The following SEC61G variants were observed in gnomAD, a reference collection of about 807,000 sequenced individuals.
SEC61G encodes SEC61 translocon subunit gamma, also known as protein transport protein Sec61 subunit gamma.
Under a neutral mutation model 7.5 loss-of-function variants are expected in SEC61G, and 4 were observed. The ratio of observed to expected loss-of-function variants is 0.54; its 90% CI spans 0.26 to 1.22. SEC61G has a LOEUF of 1.22. Among genes scored for constraint, SEC61G ranks in the 50% most tolerant of loss-of-function variants. SEC61G has a pLI of 0.12. For missense variants in SEC61G, 53 were observed against 84.6 expected (o/e 0.63, Z 1.46); for synonymous variants, 24 against 24.4 (o/e 0.98, Z 0.05).
chr7:54,755,118 G>GC (rs1791481437), intron 3 of SEC61G: 1 of 152,090 alleles, frequency 6.6e-6, no homozygotes, highest in African/African-American at 2.4e-5. Flanking sequence ...AAATTATTTG[G>GC]AAACAAATAA....
In SEC61G at chr7:54,752,435, A is replaced by G; in HGVS notation, c.198-15T>C. The G allele has an allele frequency of 6.8e-7, 1 of 1,468,502 alleles. No individual in the cohort carries two copies. The highest frequency in any genetic ancestry group is 2.0e-5 in the Admixed American group (1 of 48,994). The allele number at this position is 1,468,502 out of a possible 1,614,324, so 91.0% of individuals were successfully genotyped here. On this transcript the variant is annotated splice_polypyrimidine_tract_variant and intron_variant, in intron 3 of 3. Coordinates refer to ENST00000352861, the MANE Select transcript of SEC61G (RefSeq NM_014302.4). ...TTCAGCCACCACTGTAAAAGAAAGA[A>G]AAATTATTACTTCTGAGCATAGATA...
intron 2 of SEC61G, among the ~76,000 whole-genome samples, chr7:54,756,722 T>C (rs999693161): frequency 6.6e-6 from 1 of 152,180 alleles, no homozygotes; most frequent in East Asian, 1.9e-4. Context: ...TAAGAGAAGC[T>C]TTCCCTGATC....
At chr7:54,755,921 G>A (rs745614154) in intron 2 of SEC61G, 40 bp from the exon 3 acceptor site, 92 of 1,229,878 alleles carry the variant, frequency 7.5e-5, no homozygotes, top group Non-Finnish European at 1.1e-4. Flanking sequence ...TTTTTGCACT[G>A]TCACTGAAAG....
Position 54,757,575 on chromosome 7 carries a change from A to C in SEC61G, c.14T>G (p.Met5Arg), listed in dbSNP as rs770373802. The change falls in exon 2 of 4, where the codon ATG (methionine) becomes AGG (arginine). Residue 5 changes from methionine to arginine, a missense_variant. Met to Arg is a moderately conservative substitution (Grantham distance 91). Coordinates refer to ENST00000352861, the MANE Select transcript of SEC61G (RefSeq NM_014302.4). The part of the protein sequence containing the change: MDQV[M>R]QFVEPSRQFV... Reference sequence around the variant, plus strand: ...CTGCCGACTTGGCTCAACAAACTGCATTACCTGATCCATGACTGCCTGTTT... The same window carrying C: ...CTGCCGACTTGGCTCAACAAACTGCCTTACCTGATCCATGACTGCCTGTTT... 1 of 1,614,082 alleles carries C rather than the reference A, an allele frequency of 6.2e-7. No homozygotes were observed. Among genetic ancestry groups the C allele is most frequent in the Non-Finnish European group, 8.5e-7 (1 of 1,179,956 alleles).
In SEC61G at chr7:54,752,414, G is replaced by T. The variant is rs1791432198; in HGVS notation, c.204C>A (p.Gly68=). The stretch of plus-strand genomic sequence containing the variant: ...AAAACTCTCTTCCAAAATGTATTCA[G>T]CCACCACTGTAAAAGAAAGAAAAAT... ...HIPINNIIVG[G] The change falls in exon 4 of 4, where the codon GGC becomes GGA. Residue 68 remains glycine, a synonymous_variant. Coordinates refer to ENST00000352861, the MANE Select transcript of SEC61G (RefSeq NM_014302.4). The T allele has an allele frequency of 1.3e-6, 2 of 1,533,084 alleles. No homozygotes were observed. Among genetic ancestry groups the T allele is most frequent in the East Asian group, 4.6e-5 (2 of 43,332 alleles). 95.0% of individuals were successfully genotyped at this position (1,533,084 alleles called of 1,614,324 possible). A position where few individuals can be genotyped will look rare whatever the true frequency, so the allele number is the denominator to read the frequency against.
At chr7:54,752,879 A>T (rs956494302) in intron 3 of SEC61G, among the ~76,000 whole-genome samples, 1 of 152,242 alleles carries the variant, frequency 6.6e-6, no homozygotes, top group Admixed American at 6.5e-5. Context: ...ATGAAAACAA[A>T]AATCACCTTT....
chr7:54,758,179 A>T (rs1583716807), intron 1 of SEC61G, among the ~76,000 whole-genome samples: 1 of 152,358 alleles, frequency 6.6e-6, no homozygotes, highest in African/African-American at 2.4e-5. Flanking sequence ...CTAAAGGAAG[A>T]CGCAAATTCT....
At chr7:54,755,303 C>T (rs1791485045) in intron 3 of SEC61G, 1 of 152,240 alleles carries the variant, frequency 6.6e-6, no homozygotes, top group African/African-American at 2.4e-5. Flanking sequence ...AACTATTATC[C>T]CCACTGAATA....
intron 3 of SEC61G, among the ~76,000 whole-genome samples, chr7:54,753,203 G>A (rs35830108): frequency 0.16 from 24,092 of 152,064 alleles, 2,312 homozygotes; most frequent in South Asian, 0.27. Flanking sequence ...TGAGGCAGGA[G>A]AATCACTTGA....
intron 2 of SEC61G, among the ~76,000 whole-genome samples, chr7:54,756,359 T>C (rs180699435): frequency 1.1e-3 from 170 of 152,274 alleles, no homozygotes; most frequent in African/African-American, 3.9e-3. Context: ...AAATAAGACT[T>C]GAAAAATCAA....
At chr7:54,754,444 T>C (rs1222302363) in intron 3 of SEC61G, among the ~76,000 whole-genome samples, 1 of 152,220 alleles carries the variant, frequency 6.6e-6, no homozygotes, top group African/African-American at 2.4e-5. Flanking sequence ...TCCCCGTGAT[T>C]CCACAGTTCT....
intron 2 of SEC61G, among the ~76,000 whole-genome samples, chr7:54,756,322 G>T (rs1487515130): frequency 6.6e-6 from 1 of 152,138 alleles, no homozygotes; most frequent in African/African-American, 2.4e-5. Context: ...GATGGGTCCG[G>T]TGCCTTTGCT....
intron 1 of SEC61G, among the ~76,000 whole-genome samples, chr7:54,758,795 C>A (rs1791575328): frequency 6.6e-6 from 1 of 152,214 alleles, no homozygotes; most frequent in Admixed American, 6.5e-5. Flanking sequence ...GAGCTGAGTA[C>A]AGCTCTTCCC....
rs1791428716 is a variant in SEC61G, at chr7:54,752,295, G to A, written c.*116C>T. Reference sequence around the variant, plus strand: ...TTAATTTAGAAATAGAAAACATCTTGAAAGGAAAAAAAAAAACCCACAAAA... The same window carrying A: ...TTAATTTAGAAATAGAAAACATCTTAAAAGGAAAAAAAAAAACCCACAAAA... On this transcript the variant is annotated 3_prime_UTR_variant, in exon 4 of 4. Coordinates refer to ENST00000352861, the MANE Select transcript of SEC61G (RefSeq NM_014302.4). The A allele has an allele frequency of 3.4e-6, 2 of 595,834 alleles. No individual in the cohort carries two copies. The highest frequency in any genetic ancestry group is 5.7e-6 in the Non-Finnish European group (2 of 348,610). 36.9% of individuals were successfully genotyped at this position (595,834 alleles called of 1,614,324 possible).
chr7:54,755,549 C>T lies in SEC61G; in HGVS notation c.197+230G>A, dbSNP rs569029762. ...ATGAGTGTCTTTAATACTTTCTTGA[C>T]TCTGTAAAATTTTATTTATTAAAGA... On this transcript the variant is annotated intron_variant, in intron 3 of 3. Transcript: ENST00000352861. 2.8e-3 allele frequency: 876 copies of T among 315,186 alleles called. 4 individuals carry two copies. The highest frequency in any genetic ancestry group is 4.4e-3 in the Middle Eastern group (5 of 1,136). 19.5% of individuals were successfully genotyped at this position (315,186 alleles called of 1,614,324 possible).
intron 2 of SEC61G, 38 bp from the exon 3 acceptor site, chr7:54,755,919 C>G (rs1217339912): frequency 7.6e-7 from 1 of 1,315,370 alleles, no homozygotes; most frequent in Admixed American, 1.9e-5. Context: ...ATTTTTTGCA[C>G]TGTCACTGAA....
At chr7:54,754,692 A>G (rs571811622) in intron 3 of SEC61G, 1 of 151,996 alleles carries the variant, frequency 6.6e-6, no homozygotes, top group African/African-American at 2.4e-5. Context: ...AGTATTTAGG[A>G]GATTTATAGT....
intron 3 of SEC61G, among the ~76,000 whole-genome samples, chr7:54,754,590 A>G (rs1254595129): frequency 6.6e-6 from 1 of 152,204 alleles, no homozygotes; most frequent in African/African-American, 2.4e-5. Flanking sequence ...CTTAATAACT[A>G]TGGTAACCTA....
intron 1 of SEC61G, among the ~76,000 whole-genome samples, chr7:54,758,112 C>T (rs527540513): frequency 6.6e-6 from 1 of 152,290 alleles, no homozygotes; most frequent in Admixed American, 6.5e-5. Context: ...TGAATTTCAA[C>T]CTTGATTTTT....
Sources: gnomAD v4.1 joint callset for allele counts (sites outside exome capture counted in the v4.1 genomes callset) on GRCh38, gnomAD v4.1.1 for gene constraint, MANE v1.5 for transcripts, NCBI Gene and HGNC (gene_info 2026-07-23, HGNC 2026-07-21) for gene names.